Variants in ANKRD62 observed in about 807,000 individuals in gnomAD.
The protein encoded by ANKRD62 is ankyrin repeat domain 62.
ANKRD62 carries 61 observed loss-of-function variants against 98.8 expected under a neutral mutation model. The ratio of observed to expected loss-of-function variants is 0.62; its 90% CI spans 0.50 to 0.76. The LOEUF (loss-of-function observed/expected upper bound fraction) is 0.76. ANKRD62 is among the 30% of genes least tolerant of loss of function. ANKRD62 has a pLI of 0.00. For missense variants in ANKRD62, 933 were observed against 1,082.9 expected, an observed-to-expected ratio of 0.86 and a Z score of 1.94; for synonymous variants, 341 against 367.9, an observed-to-expected ratio of 0.93 and a Z score of 0.84.
chr18:12,160,521 G>C, the ANKRD62 span, among the ~76,000 whole-genome samples: 1 of 152,140 alleles, frequency 6.6e-6, no homozygotes, highest in Non-Finnish European at 1.5e-5. Context: ...CTTCCAGCCA[G>C]AGAGAGAATT....
At chr18:12,123,175 G>A (rs1258654581) in intron 11 of ANKRD62, among the ~76,000 whole-genome samples, 3 of 151,796 alleles carry the variant, frequency 2.0e-5, no homozygotes, top group Non-Finnish European at 2.9e-5. Flanking sequence ...AGCCTCCCAA[G>A]TAGCTGGGAT....
chr18:12,138,872 C>CT, the ANKRD62 span, among the ~76,000 whole-genome samples: 2 of 152,004 alleles, frequency 1.3e-5, no homozygotes, highest in African/African-American at 2.4e-5. Flanking sequence ...CAACCCCTCC[C>CT]TTTTTTTGTT....
intron 11 of ANKRD62, 64 bp downstream of exon 11, chr18:12,122,580 T>G (rs1909804227): frequency 7.5e-7 from 1 of 1,338,874 alleles, no homozygotes; most frequent in East Asian, 2.5e-5. Context: ...TAGGATAATT[T>G]TTGTAATAGC....
chr18:12,124,208 T>G lies in ANKRD62; in HGVS notation c.1526T>G (p.Leu509Ter), dbSNP rs1357049321. Residue 509 changes from leucine to a stop codon, truncating the protein, a stop_gained, in exon 12 of 14, where the codon TTA becomes TGA. Transcript: ENST00000587848. LOFTEE classifies it high-confidence loss of function. ...TTGTATGAAAAAGATATAGAAGAGTTAAAAATAATGGAAGAGCAATATAGG... is the reference window on the plus strand; with the variant it reads ...TTGTATGAAAAAGATATAGAAGAGTGAAAAATAATGGAAGAGCAATATAGG... ...EELYEKDIEE[L>*]KIMEEQYRTQ... The G allele has an allele frequency of 7.0e-7, 1 of 1,430,374 alleles. No individual in the cohort carries two copies. Among genetic ancestry groups the G allele is most frequent in the African/African-American group, 1.4e-5 (1 of 71,084 alleles). The allele number at this position is 1,430,374 out of a possible 1,614,324, so 88.6% of individuals were successfully genotyped here. A position where few individuals can be genotyped will look rare whatever the true frequency, so the allele number is the denominator to read the frequency against.
intron 8 of ANKRD62, among the ~76,000 whole-genome samples, chr18:12,114,470 T>C (rs1909615886): frequency 6.6e-6 from 1 of 152,234 alleles, no homozygotes. Flanking sequence ...TGGGTTTGAA[T>C]GCTTAGTCTG....
the ANKRD62 span, among the ~76,000 whole-genome samples, chr18:12,175,696 A>G: frequency 4.6e-4 from 70 of 152,044 alleles, no homozygotes; most frequent in African/African-American, 1.6e-3. Flanking sequence ...GTAAAGTCAA[A>G]TGGTGAGAAT....
intron 13 of ANKRD62, among the ~76,000 whole-genome samples, chr18:12,126,986 A>C (rs1418298537): frequency 6.6e-6 from 1 of 152,246 alleles, no homozygotes; most frequent in Non-Finnish European, 1.5e-5. Context: ...TTCTTACATT[A>C]TAATATGGGG....
Position 12,128,179 on chromosome 18 carries a change from AT to A in ANKRD62, c.*245del. The stretch of plus-strand genomic sequence containing the variant: ...GAATTCTTTTTTCTTTTTACAGTAT[AT>A]TTTTAGTGATTTCTTTCATTGCCAC... On this transcript the variant is annotated 3_prime_UTR_variant, in exon 14 of 14. Coordinates refer to ENST00000587848, the MANE Select transcript of ANKRD62 (RefSeq NM_001277333.2). 1 of 212,720 alleles carries A rather than the reference AT, an allele frequency of 4.7e-6. No homozygotes were observed. The highest frequency in any genetic ancestry group is 9.1e-6 in the Non-Finnish European group (1 of 109,762). The allele number at this position is 212,720 out of a possible 1,614,324, so 13.2% of individuals were successfully genotyped here.
chr18:12,158,893 G>A, the ANKRD62 span, among the ~76,000 whole-genome samples: 1 of 152,028 alleles, frequency 6.6e-6, no homozygotes, highest in Non-Finnish European at 1.5e-5. Flanking sequence ...AGTGGGAGGT[G>A]CTTCGTTTGC....
At chr18:12,120,263 C>CT (rs1350345689) in intron 10 of ANKRD62, among the ~76,000 whole-genome samples, 1 of 152,086 alleles carries the variant, frequency 6.6e-6, no homozygotes, top group Non-Finnish European at 1.5e-5. Flanking sequence ...TAGAAATTGT[C>CT]TATTTCTTTT....
chr18:12,097,518 T>G, intron 4 of ANKRD62, 122 bp from the exon 5 acceptor site: 1 of 1,064,042 alleles, frequency 9.4e-7, no homozygotes, highest in South Asian at 1.9e-5. Flanking sequence ...TTGTGTTTAT[T>G]AGTACATGTA....
At chr18:12,111,381 T>A (rs1473089279) in intron 8 of ANKRD62, among the ~76,000 whole-genome samples, 1 of 152,102 alleles carries the variant, frequency 6.6e-6, no homozygotes, top group Non-Finnish European at 1.5e-5. Context: ...TTAAAAGCTC[T>A]CAACTAGTTA....
downstream of ANKRD62, chr18:12,129,779 G>T (rs1168561190): frequency 1.3e-5 from 2 of 149,794 alleles, no homozygotes; most frequent in Non-Finnish European, 3.0e-5. Flanking sequence ...AAAGTAATAG[G>T]TCGATTTGTC....
chr18:12,156,278 C>T, the ANKRD62 span, among the ~76,000 whole-genome samples: 4 of 152,122 alleles, frequency 2.6e-5, no homozygotes. Flanking sequence ...TACCCAATCT[C>T]AGGTATTTTT....
At chr18:12,171,099 A>G in the ANKRD62 span, among the ~76,000 whole-genome samples, 2 of 152,216 alleles carry the variant, frequency 1.3e-5, no homozygotes, top group Admixed American at 6.5e-5. Context: ...GCAATTTGCC[A>G]GTCTGTGTCT....
Position 12,122,330 on chromosome 18 carries a change from A to G in ANKRD62, c.1268A>G (p.Asn423Ser). Residue 423 changes from asparagine (N) to serine (S), a missense_variant, in exon 11 of 14, where the codon AAT (asparagine) becomes AGT (serine). Coordinates refer to ENST00000587848, the MANE Select transcript of ANKRD62 (RefSeq NM_001277333.2). ...TTTGTTAGCCTATCGAAAAGCAAGA[A>G]TGCAACAGCTGCATGTGGAAGATCA... ...KDFVSLSKSK[N>S]ATAACGRSIE... 1 of 1,535,092 alleles carries G rather than the reference A, an allele frequency of 6.5e-7. No individual in the cohort carries two copies. Among genetic ancestry groups the G allele is most frequent in the East Asian group, 2.5e-5 (1 of 40,808 alleles).
At chr18:12,102,890 G>A in intron 6 of ANKRD62, 1 of 597,650 alleles carries the variant, frequency 1.7e-6, no homozygotes, top group Non-Finnish European at 2.3e-6. Context: ...TTATATTGTT[G>A]GGTGGATTCA....
chr18:12,097,174 G>A (rs931536759), intron 4 of ANKRD62, among the ~76,000 whole-genome samples: 1 of 152,076 alleles, frequency 6.6e-6, no homozygotes, highest in Non-Finnish European at 1.5e-5. Context: ...CCAGTGCCTC[G>A]CATATGATTA....
chr18:12,104,940 C>G (rs540937137), intron 7 of ANKRD62, among the ~76,000 whole-genome samples: 4 of 152,206 alleles, frequency 2.6e-5, no homozygotes, highest in African/African-American at 9.6e-5. Context: ...ATGCTTTTAA[C>G]ATAGACTGGG....
Sources: gnomAD v4.1 joint callset for allele counts (sites outside exome capture counted in the v4.1 genomes callset) on GRCh38, gnomAD v4.1.1 for gene constraint, MANE v1.5 for transcripts, NCBI Gene and HGNC (gene_info 2026-07-23, HGNC 2026-07-21) for gene names.